Variants in PKIB observed in about 807,000 individuals in gnomAD.
PKIB encodes PKI-beta.
In PKIB, 2 loss-of-function variants were observed where a neutral mutation model predicts 4.5. The observed-to-expected ratio is 0.44, with a 90% CI of 0.18 to 1.39. The LOEUF (loss-of-function observed/expected upper bound fraction) is 1.39. PKIB is among the 40% of genes most tolerant of loss of function. The probability of loss-of-function intolerance (pLI) is 0.27; values close to 1 mark genes in which losing one functional copy is unlikely to be tolerated. For missense variants in PKIB, 94 were observed against 92.6 expected (o/e 1.02, Z -0.06); for synonymous variants, 38 against 36.0 (o/e 1.06, Z -0.20).
chr6:122,553,721 A>C (rs115155397), intron 2 of PKIB, among the ~76,000 whole-genome samples: 107 of 152,136 alleles, frequency 7.0e-4, no homozygotes, highest in African/African-American at 2.4e-3. Flanking sequence ...TTTTTAAGGA[A>C]TCTAATTTAC....
At chr6:122,571,469 T>A (rs1773365947) in intron 2 of PKIB, among the ~76,000 whole-genome samples, 1 of 152,108 alleles carries the variant, frequency 6.6e-6, no homozygotes, top group Non-Finnish European at 1.5e-5. Context: ...AAAGCCAACA[T>A]GAAGAAAAGG....
chr6:122,518,576 A>T (rs1466416797), intron 2 of PKIB, among the ~76,000 whole-genome samples: 1 of 151,884 alleles, frequency 6.6e-6, no homozygotes, highest in Non-Finnish European at 1.5e-5. Context: ...GCAATGGGAG[A>T]GCTGGAGGTC....
At chr6:122,716,149 T>C (rs1476718175) in intron 3 of PKIB, among the ~76,000 whole-genome samples, 5 of 152,178 alleles carry the variant, frequency 3.3e-5, no homozygotes, top group African/African-American at 1.2e-4. Context: ...AAAGAACATT[T>C]AGTGAGATAT....
At chr6:122,647,013 G>C (rs13215891) in intron 2 of PKIB, among the ~76,000 whole-genome samples, 8,300 of 151,902 alleles carry the variant, frequency 0.055, 249 homozygotes, top group East Asian at 0.13. Flanking sequence ...CAATCTATAT[G>C]CAATTTTATC....
chr6:122,579,588 A>AT (rs1436991407), intron 2 of PKIB, among the ~76,000 whole-genome samples: 1 of 152,164 alleles, frequency 6.6e-6, no homozygotes, highest in East Asian at 1.9e-4. Flanking sequence ...GCAAAGTATT[A>AT]TTTTTTAAAA....
intron 4 of PKIB, among the ~76,000 whole-genome samples, chr6:122,720,904 G>A (rs1352792917): frequency 4.6e-5 from 7 of 152,136 alleles, no homozygotes; most frequent in Admixed American, 6.5e-5. Flanking sequence ...GTTTCACCAC[G>A]TTGGGCAGGC....
At chr6:122,661,024 C>T (rs918956248) in intron 2 of PKIB, among the ~76,000 whole-genome samples, 2 of 151,938 alleles carry the variant, frequency 1.3e-5, no homozygotes, top group African/African-American at 4.8e-5. Context: ...CATCCTAGTT[C>T]TACATTTGAA....
chr6:122,579,063 A>G (rs1773630392), intron 2 of PKIB, among the ~76,000 whole-genome samples: 1 of 152,184 alleles, frequency 6.6e-6, no homozygotes, highest in African/African-American at 2.4e-5. Context: ...AGTCTTGGGT[A>G]TGTGTTCATC....
At chr6:122,690,932 A>AT (rs1210629019) in intron 3 of PKIB, among the ~76,000 whole-genome samples, 18,289 of 138,314 alleles carry the variant, frequency 0.13, 1,619 homozygotes, top group Non-Finnish European at 0.18. Flanking sequence ...ATATATATAT[A>AT]TTTTTTTTTT....
At chr6:122,675,696 C>G (rs1777643886) in intron 3 of PKIB, among the ~76,000 whole-genome samples, 1 of 151,956 alleles carries the variant, frequency 6.6e-6, no homozygotes, top group East Asian at 1.9e-4. Context: ...AATGAGGAAT[C>G]TAGGAGACTT....
At chr6:122,506,259 G>A (rs78981600) in intron 2 of PKIB, among the ~76,000 whole-genome samples, 14,250 of 152,064 alleles carry the variant, frequency 0.094, 819 homozygotes, top group South Asian at 0.15. Flanking sequence ...TAATTAGGTC[G>A]AATATTAATA....
rs371188446 is a variant in PKIB, at chr6:122,504,366, A to G, written c.-248+26427A>G. 7.9e-5 allele frequency among the ~76,000 whole-genome samples: 12 copies of G among 152,346 alleles called. No homozygotes were observed. In the East Asian group the frequency reaches 2.1e-3, roughly 27 times the overall value. ...TAAATTTCACCACATCTTAGGGACTATGGGCCTTGACTACTTGGGAAGAAT... is the reference window on the plus strand; with the variant it reads ...TAAATTTCACCACATCTTAGGGACTGTGGGCCTTGACTACTTGGGAAGAAT... On this transcript the variant is annotated intron_variant, in intron 2 of 6. Transcript: ENST00000392491.
intron 2 of PKIB, among the ~76,000 whole-genome samples, chr6:122,486,072 T>TA (rs771280722): frequency 2.6e-5 from 4 of 152,170 alleles, no homozygotes; most frequent in Non-Finnish European, 4.4e-5. Flanking sequence ...ACCTCCACAT[T>TA]ACCCCCCTGA....
At chr6:122,624,675 T>C (rs957705522) in intron 1 of PKIB, among the ~76,000 whole-genome samples, 5 of 152,312 alleles carry the variant, frequency 3.3e-5, no homozygotes, top group Admixed American at 2.6e-4. Flanking sequence ...TCCAAGAATA[T>C]TGTGAGGCAC....
chr6:122,576,710 A>ATATATATATATTTTT (rs59569106), intron 2 of PKIB, among the ~76,000 whole-genome samples: 1 of 110,030 alleles, frequency 9.1e-6, no homozygotes, highest in African/African-American at 4.0e-5. Flanking sequence ...ATATATATAT[A>ATATATATATATTTTT]TTTTCTTTTG....
chr6:122,646,521 T>C (rs1005685458), intron 2 of PKIB, among the ~76,000 whole-genome samples: 1 of 152,200 alleles, frequency 6.6e-6, no homozygotes, highest in Admixed American at 6.5e-5. Context: ...ATTTTGAAAT[T>C]AAATCTCCAG....
chr6:122,563,991 T>G (rs541091692), intron 2 of PKIB, among the ~76,000 whole-genome samples: 61 of 152,290 alleles, frequency 4.0e-4, no homozygotes, highest in Non-Finnish European at 6.6e-4. Context: ...GGGTTCATAT[T>G]ATTACAAAGT....
chr6:122,592,368 C>T (rs188475508), intron 3 of PKIB, among the ~76,000 whole-genome samples: 6 of 152,040 alleles, frequency 3.9e-5, no homozygotes, highest in African/African-American at 1.4e-4. Flanking sequence ...CTGTATGCAA[C>T]CTTTCCATCA....
At chr6:122,503,726 G>C (rs1776314914) in intron 2 of PKIB, among the ~76,000 whole-genome samples, 1 of 152,112 alleles carries the variant, frequency 6.6e-6, no homozygotes, top group South Asian at 2.1e-4. Context: ...CTGTTTCCCA[G>C]GACCAGAGCA....
Sources: allele counts gnomAD v4.1 joint callset (sites outside exome capture counted in the v4.1 genomes callset), GRCh38; gene constraint gnomAD v4.1.1; transcripts MANE v1.5; gene names NCBI Gene and HGNC (gene_info 2026-07-23, HGNC 2026-07-21).